KIFAP3: variants seen among roughly 807,000 people sequenced by gnomAD.
KIFAP3 encodes kinesin-associated protein 3.
Under a neutral mutation model 106.5 loss-of-function variants are expected in KIFAP3, and 68 were observed. The ratio of observed to expected loss-of-function variants is 0.64; its 90% CI spans 0.53 to 0.78. The LOEUF is 0.78. Ranked by LOEUF, KIFAP3 falls within the 30% of genes least tolerant of loss-of-function variation. The pLI, the probability that KIFAP3 is intolerant of heterozygous loss-of-function variation, is 0.00. For synonymous variants in KIFAP3, 320 were observed against 311.5 expected (o/e 1.03, Z -0.29); for missense variants, 780 against 941.8 (o/e 0.83, Z 2.25).
At chr1:169,999,250 G>T (rs527594330) in intron 10 of KIFAP3, among the ~76,000 whole-genome samples, 4 of 152,124 alleles carry the variant, frequency 2.6e-5, no homozygotes, top group African/African-American at 7.2e-5. Flanking sequence ...ATTCCTACAA[G>T]AAATGAGGAT....
intron 18 of KIFAP3, among the ~76,000 whole-genome samples, chr1:169,959,466 T>G: frequency 6.6e-6 from 1 of 152,132 alleles, no homozygotes; most frequent in Non-Finnish European, 1.5e-5. Context: ...TGTTTCTAAG[T>G]TTTGGTGTAT....
At chr1:169,952,826 A>G (rs556822140) in intron 19 of KIFAP3, among the ~76,000 whole-genome samples, 1 of 152,268 alleles carries the variant, frequency 6.6e-6, no homozygotes, top group Admixed American at 6.5e-5. Context: ...TATACAATGG[A>G]TAATCCATAA....
intron 8 of KIFAP3, 127 bp downstream of exon 8, chr1:170,031,759 C>A: frequency 1.7e-6 from 1 of 594,316 alleles, no homozygotes; most frequent in Non-Finnish European, 3.0e-6. Flanking sequence ...GAACTTGTAG[C>A]ATATTAACAT....
At chr1:169,987,625 A>C (rs930023830) in intron 11 of KIFAP3, among the ~76,000 whole-genome samples, 10 of 152,086 alleles carry the variant, frequency 6.6e-5, no homozygotes, top group African/African-American at 2.4e-4. Flanking sequence ...GGGCTGTCAG[A>C]AAGGACGTTT....
chr1:169,949,994 A>T (rs1178765587), intron 19 of KIFAP3, among the ~76,000 whole-genome samples: 1 of 152,160 alleles, frequency 6.6e-6, no homozygotes, highest in East Asian at 1.9e-4. Flanking sequence ...TCTTACAAAA[A>T]TGAAGGTATT....
At chr1:169,978,515 TA>T (rs984717255) in intron 15 of KIFAP3, among the ~76,000 whole-genome samples, 7 of 152,042 alleles carry the variant, frequency 4.6e-5, no homozygotes, top group Non-Finnish European at 8.8e-5. Context: ...TGAACTATCA[TA>T]AAAAGGTATT....
chr1:170,050,107 A>G lies in KIFAP3; in HGVS notation c.165-3241T>C, dbSNP rs183107914. Among the ~76,000 whole-genome samples, 42 of 152,312 alleles carry G rather than the reference A, an allele frequency of 2.8e-4. No homozygotes were observed. In the East Asian group the frequency reaches 7.7e-3, roughly 28 times the overall value. On this transcript the variant is annotated intron_variant, in intron 2 of 19. Coordinates refer to ENST00000361580, the MANE Select transcript of KIFAP3 (RefSeq NM_014970.4). Reference sequence around the variant, plus strand: ...GCTAAGAACCTTGATAAAAGGTTACAGGAACTGATAACTAGAATAACCAGT... The same window carrying G: ...GCTAAGAACCTTGATAAAAGGTTACGGGAACTGATAACTAGAATAACCAGT...
intron 10 of KIFAP3, among the ~76,000 whole-genome samples, chr1:170,007,568 T>C (rs1458525159): frequency 6.6e-6 from 1 of 152,124 alleles, no homozygotes; most frequent in Non-Finnish European, 1.5e-5. Flanking sequence ...AAAAGGGATG[T>C]GAAGGACCTC....
rs188666389 is a variant in KIFAP3, at chr1:169,921,826, C to T, written c.2274-45G>A. On this transcript the variant is annotated intron_variant, in intron 19 of 19. Transcript: ENST00000361580. ...ATGATAAGCTATGTTTTTCATCACA[C>T]ATCCACAATGCAGATTAAGAGGCCT... The T allele has an allele frequency of 1.6e-5, 22 of 1,380,662 alleles. No individual in the cohort carries two copies. The African/African-American group carries it at 3.0e-4, about 19-fold the overall frequency. 85.5% of individuals were successfully genotyped at this position (1,380,662 alleles called of 1,614,324 possible). A position where few individuals can be genotyped will look rare whatever the true frequency, so the allele number is the denominator to read the frequency against.
chr1:169,966,989 T>C (rs544638026), intron 17 of KIFAP3, among the ~76,000 whole-genome samples: 2 of 151,050 alleles, frequency 1.3e-5, no homozygotes, highest in Non-Finnish European at 3.0e-5. Context: ...ATGCTGACCA[T>C]TTATGTTTAT....
chr1:169,994,894 A>C (rs1667297157), intron 10 of KIFAP3, among the ~76,000 whole-genome samples: 1 of 152,110 alleles, frequency 6.6e-6, no homozygotes, highest in African/African-American at 2.4e-5. Context: ...GGCTCTAAGG[A>C]TAATGATTAT....
chr1:169,994,247 G>A (rs1234808442), intron 10 of KIFAP3, among the ~76,000 whole-genome samples: 2 of 152,024 alleles, frequency 1.3e-5, no homozygotes, highest in African/African-American at 4.8e-5. Context: ...GGTTGAGTGG[G>A]GATTTAACCA....
At chr1:170,071,822 C>G (rs1243327756) in intron 1 of KIFAP3, among the ~76,000 whole-genome samples, 1 of 152,158 alleles carries the variant, frequency 6.6e-6, no homozygotes. Flanking sequence ...CGAACTATAT[C>G]CAAACCACAG....
intron 2 of KIFAP3, among the ~76,000 whole-genome samples, chr1:170,054,769 C>T (rs10919292): frequency 0.16 from 24,852 of 151,534 alleles, 2,198 homozygotes; most frequent in Middle Eastern, 0.22. Flanking sequence ...TGAGAACACA[C>T]GGACACAGGG....
At chr1:170,064,182 T>C (rs1326964694) in intron 1 of KIFAP3, among the ~76,000 whole-genome samples, 1 of 152,222 alleles carries the variant, frequency 6.6e-6, no homozygotes, top group African/African-American at 2.4e-5. Context: ...AACTAATATA[T>C]AATTTGTGAA....
chr1:169,999,567 T>G (rs910897333), intron 10 of KIFAP3, among the ~76,000 whole-genome samples: 2 of 151,950 alleles, frequency 1.3e-5, no homozygotes, highest in Non-Finnish European at 2.9e-5. Flanking sequence ...AAGGGCAGGG[T>G]AGAAAAAAAA....
chr1:170,043,636 A>C (rs1670094654), intron 3 of KIFAP3, among the ~76,000 whole-genome samples: 1 of 152,202 alleles, frequency 6.6e-6, no homozygotes, highest in African/African-American at 2.4e-5. Context: ...TGAAGGGTAG[A>C]GGGGAGGATC....
intron 19 of KIFAP3, among the ~76,000 whole-genome samples, chr1:169,942,960 T>A (rs1184793833): frequency 7.8e-6 from 1 of 128,766 alleles, no homozygotes. Flanking sequence ...TAATTTCTTT[T>A]GATTGAAACC....
At chr1:170,069,820 G>A (rs1254559138) in intron 1 of KIFAP3, among the ~76,000 whole-genome samples, 2 of 118,796 alleles carry the variant, frequency 1.7e-5, no homozygotes, top group Admixed American at 1.9e-4. Context: ...TCTAGCCAGA[G>A]CAATGAGGCA....
Sources: gnomAD v4.1 joint callset for allele counts (sites outside exome capture counted in the v4.1 genomes callset) on GRCh38, gnomAD v4.1.1 for gene constraint, MANE v1.5 for transcripts, NCBI Gene and HGNC (gene_info 2026-07-23, HGNC 2026-07-21) for gene names.